The following TCP1 variants were observed in gnomAD, a reference collection of about 807,000 sequenced individuals.
TCP1 encodes t-complex 1, also known as T-complex protein 1 subunit alpha.
Under a neutral mutation model 54.7 loss-of-function variants are expected in TCP1, and 6 were observed. The ratio of observed to expected loss-of-function variants is 0.11; its 90% CI spans 0.06 to 0.22. The LOEUF (loss-of-function observed/expected upper bound fraction) is 0.22. TCP1 is among the 10% of genes least tolerant of loss of function. The probability of loss-of-function intolerance (pLI) is 1.00; values close to 1 mark genes in which losing one functional copy is unlikely to be tolerated. For missense variants in TCP1, 511 were observed against 678.2 expected, an observed-to-expected ratio of 0.75 and a Z score of 2.74; for synonymous variants, 225 against 229.7, an observed-to-expected ratio of 0.98 and a Z score of 0.19.
intron 10 of TCP1, 48 bp from the exon 11 acceptor site, chr6:159,779,838 A>T (rs996092337): frequency 1.9e-6 from 3 of 1,585,786 alleles, no homozygotes; most frequent in South Asian, 1.2e-5. Context: ...GAAAAAAAAA[A>T]TTGAAGTCCA....
chr6:159,785,159 TACTG>T (rs1000545945), intron 5 of TCP1: 9 of 603,980 alleles, frequency 1.5e-5, no homozygotes, highest in African/African-American at 1.3e-4. Flanking sequence ...ACAAAATTGA[TACTG>T]CTGCTACTAC....
chr6:159,779,750 G>T lies in TCP1; in HGVS notation c.1331C>A (p.Ser444Ter), dbSNP rs1283528267. The T allele has an allele frequency of 6.2e-7, 1 of 1,610,448 alleles. No individual in the cohort carries two copies. The highest frequency in any genetic ancestry group is 2.2e-5 in the East Asian group (1 of 44,862). Residue 444 changes from serine (S) to a stop codon, truncating the protein, a stop_gained, in exon 11 of 12, where the codon TCA (serine) becomes TAA (stop). Transcript: ENST00000321394. LOFTEE classifies it high-confidence loss of function. Reference sequence around the variant, plus strand: ...TAGTGTATTGGGAATAACAAGAAGTGATCTTGCAAACTCTGCAATCGCAAG... The same window carrying T: ...TAGTGTATTGGGAATAACAAGAAGTTATCTTGCAAACTCTGCAATCGCAAG... ...EQLAIAEFARSLLVIPNTLAV... is the reference protein window; with the variant it reads ...EQLAIAEFAR
At position 159,784,039 on chromosome 6, in the gene TCP1, T is replaced by G; in HGVS notation, c.699A>C (p.Lys233Asn). The change falls in exon 7 of 12, where the codon AAA becomes AAC. Residue 233 changes from lysine to asparagine, a missense_variant. This residue lies in a region of TCP1 where 305 missense variants were observed against 352.8 expected (regional missense o/e 0.86). Transcript: ENST00000321394. The part of the protein sequence containing the change: ...QGMPKRIVNA[K>N]IACLDFSLQK... ...GCAGGCTGAAGTCAAGGCAAGCAATTTTTGCATTTACGATTCTCTTGGGCA... is the reference window on the plus strand; with the variant it reads ...GCAGGCTGAAGTCAAGGCAAGCAATGTTTGCATTTACGATTCTCTTGGGCA... 1 of 1,613,868 alleles carries G rather than the reference T, an allele frequency of 6.2e-7. No homozygotes were observed. Among genetic ancestry groups the G allele is most frequent in the South Asian group, 1.1e-5 (1 of 91,050 alleles).
chr6:159,789,530 C>G lies in TCP1; in HGVS notation c.-62G>C, dbSNP rs1315237239. 1 of 1,595,646 alleles carries G rather than the reference C, an allele frequency of 6.3e-7. No individual in the cohort carries two copies. The highest frequency in any genetic ancestry group is 1.3e-5 in the African/African-American group (1 of 74,372). On this transcript the variant is annotated 5_prime_UTR_variant, in exon 1 of 12. Transcript: ENST00000321394. ...CCGCGGGCAACCAGTATCGCGGCCCCTCGGCCGACCGGCGACCACAGCAGT... is the reference window on the plus strand; with the variant it reads ...CCGCGGGCAACCAGTATCGCGGCCCGTCGGCCGACCGGCGACCACAGCAGT...
rs1780561853 is a variant in TCP1 at position 159,780,924 on chromosome 6, A to C, written c.973+11T>G. 6.3e-7 allele frequency: 1 copy of C among 1,591,136 alleles called. No individual in the cohort carries two copies. ...AAAAGTATTTTATGTGACAGCCAGC[A>C]CAAGACATACCTCCAGAAGCTTTGG... On this transcript the variant is annotated intron_variant, in intron 8 of 11. Coordinates refer to ENST00000321394, the MANE Select transcript of TCP1 (RefSeq NM_030752.3).
Position 159,785,427 on chromosome 6 carries a change from A to C in TCP1, c.447T>G (p.Ile149Met), listed in dbSNP as rs1780671704. ...NTDELGRDCL[I>M]NAAKTSMSSK... ...AAGACATGGATGTCTTAGCAGCATT[A>C]ATCAGGCAATCTCTTCCCAGTTCAT... is the stretch of plus-strand genomic sequence containing the variant. Residue 149 changes from isoleucine to methionine, a missense_variant, in exon 5 of 12, where the codon ATT becomes ATG. Physicochemically the swap from Ile to Met is conservative, Grantham distance 10. Coordinates refer to ENST00000321394, the MANE Select transcript of TCP1 (RefSeq NM_030752.3). 1.2e-6 allele frequency: 2 copies of C among 1,613,306 alleles called. No individual in the cohort carries two copies. Among genetic ancestry groups the C allele is most frequent in the Non-Finnish European group, 8.5e-7 (1 of 1,179,972 alleles).
rs560182508 is a variant in TCP1 at position 159,784,904 on chromosome 6, G to T, written c.489-57C>A. ...TGGAATGGACAAAGGGTACACACGT[G>T]AAAAATCAAGGGTAATTTCAAGGGA... On this transcript the variant is annotated intron_variant, in intron 5 of 11. Coordinates refer to ENST00000321394, the MANE Select transcript of TCP1 (RefSeq NM_030752.3). 3.5e-5 allele frequency: 54 copies of T among 1,551,578 alleles called. No homozygotes were observed. The African/African-American group carries it at 7.1e-4, about 20-fold the overall frequency.
chr6:159,789,364 T>A (rs1562486338), intron 1 of TCP1, 41 bp downstream of exon 1: 2 of 1,610,188 alleles, frequency 1.2e-6, no homozygotes, highest in East Asian at 4.5e-5. Context: ...GACTCGGCCC[T>A]CCCCGGCCGC....
chr6:159,784,034 G>A lies in TCP1; in HGVS notation c.704C>T (p.Ala235Val). 2 of 1,613,764 alleles carry A rather than the reference G, an allele frequency of 1.2e-6. No individual in the cohort carries two copies. Among genetic ancestry groups the A allele is most frequent in the Non-Finnish European group, 1.7e-6 (2 of 1,179,948 alleles). ...MPKRIVNAKI[A>V]CLDFSLQKTK... ...TTTTTGCAGGCTGAAGTCAAGGCAA[G>A]CAATTTTTGCATTTACGATTCTCTT... The change falls in exon 7 of 12, where the codon GCT becomes GTT. Residue 235 changes from alanine (A) to valine (V), a missense_variant. Ala to Val is a moderately conservative substitution (Grantham distance 64). Around this residue, in one of 5 missense-constraint regions of TCP1, gnomAD observed 305 missense variants for 352.8 expected, o/e 0.86. Transcript: ENST00000321394.
At position 159,779,753 on chromosome 6, in the gene TCP1, C is replaced by G; in HGVS notation, c.1328G>C (p.Arg443Thr). 1 of 1,609,786 alleles carries G rather than the reference C, an allele frequency of 6.2e-7. No individual in the cohort carries two copies. The highest frequency in any genetic ancestry group is 8.5e-7 in the Non-Finnish European group (1 of 1,178,896). Residue 443 changes from arginine to threonine, a missense_variant, in exon 11 of 12, where the codon AGA (arginine) becomes ACA (threonine). Arg to Thr is a moderately conservative substitution (Grantham distance 71). Coordinates refer to ENST00000321394, the MANE Select transcript of TCP1 (RefSeq NM_030752.3). ...TGTATTGGGAATAACAAGAAGTGAT[C>G]TTGCAAACTCTGCAATCGCAAGCTG... is the stretch of plus-strand genomic sequence containing the variant. ...REQLAIAEFARSLLVIPNTLA... is the reference protein window; with the variant it reads ...REQLAIAEFATSLLVIPNTLA...
intron 3 of TCP1, among the ~76,000 whole-genome samples, chr6:159,787,037 G>C (rs1780714413): frequency 6.9e-6 from 1 of 144,162 alleles, no homozygotes; most frequent in South Asian, 2.2e-4. Flanking sequence ...GAGGCCAGGA[G>C]TTCAAGACCA....
In TCP1 at chr6:159,784,520, G is replaced by GCT. The variant is rs1207812968; in HGVS notation, c.670+144_670+145dup. 1.1e-5 allele frequency: 9 copies of GCT among 783,922 alleles called. No individual in the cohort carries two copies. In the Admixed American group the frequency reaches 2.4e-4, roughly 20 times the overall value. The allele number at this position is 783,922 out of a possible 1,614,324, so 48.6% of individuals were successfully genotyped here. A position where few individuals can be genotyped will look rare whatever the true frequency, so the allele number is the denominator to read the frequency against. On this transcript the variant is annotated intron_variant, in intron 6 of 11. Coordinates refer to ENST00000321394, the MANE Select transcript of TCP1 (RefSeq NM_030752.3). ...GAGGTTTCACCATATTGGACAGGCT[G>GCT]CTCTCAAACTCCTGCCCTCGTGATC...
At chr6:159,786,312 A>C (rs1780696507) in intron 3 of TCP1, among the ~76,000 whole-genome samples, 1 of 152,206 alleles carries the variant, frequency 6.6e-6, no homozygotes, top group Admixed American at 6.5e-5. Flanking sequence ...TTTCCTCTTA[A>C]AGTCAGTTTC....
chr6:159,784,636 T>C (rs886413025), intron 6 of TCP1, 30 bp downstream of exon 6: 2 of 1,601,690 alleles, frequency 1.2e-6, no homozygotes, highest in Admixed American at 3.5e-5. Flanking sequence ...TGTAGCAATC[T>C]CATTCTATAA....
intron 4 of TCP1, 35 bp downstream of exon 4, chr6:159,785,864 AT>A: frequency 6.5e-7 from 1 of 1,547,058 alleles, no homozygotes; most frequent in Non-Finnish European, 8.9e-7. Flanking sequence ...CAACTATTAC[AT>A]CAAAAAAAAT....
chr6:159,784,211 CG>C, intron 6 of TCP1, 144 bp from the exon 7 acceptor site: 2 of 1,017,974 alleles, frequency 2.0e-6, no homozygotes, highest in Middle Eastern at 2.7e-4. Flanking sequence ...ATTAAATGCA[CG>C]TAATTTCTTT....
chr6:159,779,527 C>T, intron 11 of TCP1, 100 bp downstream of exon 11: 1 of 1,452,328 alleles, frequency 6.9e-7, no homozygotes, highest in East Asian at 2.3e-5. Flanking sequence ...AAGTATTTGA[C>T]AAGTCTGTTA....
Position 159,785,474 on chromosome 6 carries a change from C to A in TCP1, c.400G>T (p.Glu134Ter), listed in dbSNP as rs758785702. 28 of 1,613,680 alleles carry A rather than the reference C, an allele frequency of 1.7e-5. No homozygotes were observed. The highest frequency in any genetic ancestry group is 2.4e-5 in the Non-Finnish European group (28 of 1,179,876). ...TCATCTGTGTTAACAATTAGGTTTT[C>A]ATTGATATAACGCACTGCTTCCCTG... is the stretch of plus-strand genomic sequence containing the variant. Reference protein sequence around the residue: ...ACKEAVRYINENLIVNTDELG... With the variant: ...ACKEAVRYIN Residue 134 changes from glutamate to a stop codon, truncating the protein, a stop_gained, in exon 5 of 12, where the codon GAA becomes TAA. Coordinates refer to ENST00000321394, the MANE Select transcript of TCP1 (RefSeq NM_030752.3). LOFTEE classifies it high-confidence loss of function.
In TCP1 at chr6:159,785,644, C is replaced by T. The variant is rs1583142637; in HGVS notation, c.378-148G>A. On this transcript the variant is annotated intron_variant, in intron 4 of 11. Transcript: ENST00000321394. ...AGGAGGAGGACATGAAAAAACCCTC[C>T]CTCTTCAGATCATGGCAAGTTTAAT... 3.7e-6 allele frequency: 3 copies of T among 811,572 alleles called. No individual in the cohort carries two copies. In the African/African-American group the frequency reaches 5.0e-5, roughly 14 times the overall value. 50.3% of individuals were successfully genotyped at this position (811,572 alleles called of 1,614,324 possible).
Sources: allele counts gnomAD v4.1 joint callset (sites outside exome capture counted in the v4.1 genomes callset), GRCh38; gene constraint gnomAD v4.1.1; regional missense constraint gnomAD v4.1.1; transcripts MANE v1.5; gene names NCBI Gene and HGNC (gene_info 2026-07-23, HGNC 2026-07-21).